The following DMD variants were observed in gnomAD, a reference collection of about 807,000 sequenced individuals.
DMD encodes dystrophin, also known as mutant dystrophin.
Under a neutral mutation model 330.1 loss-of-function variants are expected in DMD, and 63 were observed. That is an observed-to-expected ratio of 0.19 (90% CI 0.16 to 0.24). DMD has a LOEUF of 0.24. DMD is among the 10% of genes least tolerant of loss of function. The pLI is 1.00. For synonymous variants in DMD, 1,223 were observed against 959.8 expected (o/e 1.27, Z -5.07); for missense variants, 3,344 against 2,684.1 (o/e 1.25, Z -5.43).
intron 55 of DMD, among the ~76,000 whole-genome samples, chrX:31,619,400 CTT>C (rs77337923): frequency 9.0e-6 from 1 of 111,224 alleles, no homozygotes; most frequent in African/African-American, 3.3e-5. Flanking sequence ...AGTTATTATT[CTT>C]TATTAATTAA....
Position 32,416,118 on chromosome X carries a change from G to C in DMD, c.4072-4205C>G, listed in dbSNP as rs939270980. 3.6e-5 allele frequency among the ~76,000 whole-genome samples: 4 copies of C among 111,562 alleles called. 1 individual carries two copies. On this transcript the variant is annotated intron_variant, in intron 29 of 78. Transcript: ENST00000357033. ...AACTCTGCATGTGAAATAAAAAACC[G>C]AATATTGAAACCAAAAAATGTATTT... is the stretch of plus-strand genomic sequence containing the variant.
chrX:32,377,026 T>C (rs1050741646), intron 34 of DMD, among the ~76,000 whole-genome samples: 32 of 111,853 alleles, frequency 2.9e-4, no homozygotes, highest in African/African-American at 9.4e-4. Flanking sequence ...TATATTACTA[T>C]AGATTAGTAA....
At chrX:31,261,382 C>G in intron 62 of DMD, 1 of 204,112 alleles carries the variant, frequency 4.9e-6, no homozygotes, top group East Asian at 1.2e-4. Context: ...AGGACACCGA[C>G]AACTGATTAT....
At chrX:32,266,980 C>T (rs1421899043) in intron 43 of DMD, among the ~76,000 whole-genome samples, 6 of 111,917 alleles carry the variant, frequency 5.4e-5, no homozygotes, top group African/African-American at 1.6e-4. Flanking sequence ...GGAAGTAATT[C>T]CAGTGCTTTT....
chrX:31,295,156 T>C (rs1258527819), intron 62 of DMD, among the ~76,000 whole-genome samples: 2 of 108,344 alleles, frequency 1.8e-5, no homozygotes, highest in Non-Finnish European at 3.8e-5. Flanking sequence ...CCACCACACC[T>C]GGCTAATTTT....
chrX:32,539,802 A>C (rs2048332385), intron 17 of DMD, among the ~76,000 whole-genome samples: 1 of 111,692 alleles, frequency 9.0e-6, no homozygotes, highest in Admixed American at 9.5e-5. Context: ...AGTAGAATAT[A>C]TAATAATAAT....
intron 2 of DMD, among the ~76,000 whole-genome samples, chrX:32,924,142 CA>C (rs1228381224): frequency 9.0e-6 from 1 of 111,175 alleles, no homozygotes; most frequent in Non-Finnish European, 1.9e-5. Context: ...CCAAAACAAA[CA>C]AAAAAATGGC....
intron 44 of DMD, among the ~76,000 whole-genome samples, chrX:32,143,152 C>T (rs1426751488): frequency 2.7e-5 from 3 of 110,406 alleles, no homozygotes; most frequent in African/African-American, 9.9e-5. Context: ...CACCACAAGG[C>T]CCTGTATTTT....
intron 21 of DMD, among the ~76,000 whole-genome samples, chrX:32,480,047 TC>T (rs914252765): frequency 1.5e-4 from 17 of 110,306 alleles, no homozygotes; most frequent in African/African-American, 5.6e-4. Context: ...TATAGAAACC[TC>T]AAAAAACTCA....
At chrX:32,460,965 A>AT (rs1172225801) in intron 25 of DMD, among the ~76,000 whole-genome samples, 1 of 111,642 alleles carries the variant, frequency 9.0e-6, no homozygotes, top group South Asian at 3.7e-4. Context: ...ATATCTGATC[A>AT]TTTTTTTAGA....
intron 1 of DMD, among the ~76,000 whole-genome samples, chrX:33,026,343 A>AAAAAG (rs2094002869): frequency 1.0e-5 from 1 of 97,546 alleles, no homozygotes; most frequent in Non-Finnish European, 2.0e-5. Flanking sequence ...AAAAAAAAAA[A>AAAAAG]AAAAGAAAGA....
intron 44 of DMD, among the ~76,000 whole-genome samples, chrX:32,119,257 C>T (rs1341884497): frequency 1.9e-5 from 2 of 106,499 alleles, no homozygotes; most frequent in Non-Finnish European, 3.9e-5. Context: ...TCACCTGAAC[C>T]TGGGACGCGG....
chrX:32,811,502 G>A (rs768119156), intron 6 of DMD, among the ~76,000 whole-genome samples: 63 of 111,799 alleles, frequency 5.6e-4, no homozygotes, highest in African/African-American at 1.9e-3. Flanking sequence ...CCACTAGAAT[G>A]TACAATCTTT....
intron 2 of DMD, among the ~76,000 whole-genome samples, chrX:32,957,428 ATAT>A: frequency 8.9e-6 from 1 of 111,894 alleles, no homozygotes; most frequent in East Asian, 2.8e-4. Context: ...AGTCAAAGAA[ATAT>A]TATAACAGTT....
intron 9 of DMD, among the ~76,000 whole-genome samples, chrX:32,646,172 G>A (rs1353912590): frequency 9.0e-6 from 1 of 111,677 alleles, no homozygotes; most frequent in Non-Finnish European, 1.9e-5. Flanking sequence ...AGATTTGCAT[G>A]CTATAGGAAC....
chrX:31,406,825 T>G (rs1260199398), intron 60 of DMD, among the ~76,000 whole-genome samples: 1 of 111,460 alleles, frequency 9.0e-6, no homozygotes, highest in African/African-American at 3.3e-5. Flanking sequence ...AGTTGGCATG[T>G]AGTTTGTAAA....
intron 50 of DMD, among the ~76,000 whole-genome samples, chrX:31,797,779 T>G (rs1196371535): frequency 9.0e-6 from 1 of 110,764 alleles, no homozygotes; most frequent in Non-Finnish European, 1.9e-5. Flanking sequence ...TGACAAAGAA[T>G]GTAAAAAATG....
intron 2 of DMD, among the ~76,000 whole-genome samples, chrX:32,969,015 G>A (rs1338395902): frequency 1.2e-4 from 7 of 58,236 alleles, no homozygotes; most frequent in Admixed American, 2.7e-4. Flanking sequence ...GAGACAGAAT[G>A]AGATTCTGTC....
At chrX:31,625,821 G>T (rs1406123363) in intron 55 of DMD, among the ~76,000 whole-genome samples, 1 of 111,136 alleles carries the variant, frequency 9.0e-6, no homozygotes, top group Admixed American at 9.6e-5. Context: ...TAGATTTAAA[G>T]ATATGTTTTA....
Sources: gnomAD v4.1 joint callset for allele counts (sites outside exome capture counted in the v4.1 genomes callset) on GRCh38, gnomAD v4.1.1 for gene constraint, MANE v1.5 for transcripts, NCBI Gene and HGNC (gene_info 2026-07-23, HGNC 2026-07-21) for gene names.